METRNL: variants seen among roughly 807,000 people sequenced by gnomAD.
The protein encoded by METRNL is meteorin like, glial cell differentiation regulator, also known as meteorin-like protein.
Under a neutral mutation model 17.4 loss-of-function variants are expected in METRNL, and 9 were observed. The observed-to-expected ratio is 0.52, with a 90% CI of 0.31 to 0.90. The LOEUF (loss-of-function observed/expected upper bound fraction) is 0.90. METRNL is among the 40% of genes least tolerant of loss of function. The pLI is 0.05. For synonymous variants in METRNL, 215 were observed against 199.3 expected, an observed-to-expected ratio of 1.08 and a Z score of -0.66; for missense variants, 408 against 430.7, an observed-to-expected ratio of 0.95 and a Z score of 0.47.
intron 2 of METRNL, among the ~76,000 whole-genome samples, chr17:83,088,914 C>G (rs1390359175): frequency 6.6e-6 from 1 of 152,188 alleles, no homozygotes; most frequent in Non-Finnish European, 1.5e-5. Context: ...TCCAAGGCGT[C>G]CCATCTCTCG....
intron 2 of METRNL, among the ~76,000 whole-genome samples, chr17:83,087,753 G>A (rs1176465948): frequency 6.6e-6 from 1 of 152,208 alleles, no homozygotes; most frequent in Admixed American, 6.5e-5. Flanking sequence ...GACGGAGGCT[G>A]AGCCGGGCAG....
chr17:83,082,364 C>T (rs2037999749), intron 1 of METRNL: 2 of 498,412 alleles, frequency 4.0e-6, no homozygotes, highest in Admixed American at 6.4e-5. Flanking sequence ...CTCCAGTGCA[C>T]CTGCGCCCCC....
chr17:83,089,931 C>A (rs556791464), intron 2 of METRNL, among the ~76,000 whole-genome samples: 1 of 151,984 alleles, frequency 6.6e-6, no homozygotes, highest in Admixed American at 6.5e-5. Context: ...ACACCCCTGC[C>A]GTCAGCCGGG....
At chr17:83,087,777 G>A (rs1029205736) in intron 2 of METRNL, among the ~76,000 whole-genome samples, 9 of 114,222 alleles carry the variant, frequency 7.9e-5, no homozygotes, top group African/African-American at 1.8e-4. Flanking sequence ...CAGCCCCGCC[G>A]AGCCTGAGGT....
intron 1 of METRNL, 60 bp from the exon 2 acceptor site, chr17:83,084,878 G>A: frequency 6.4e-7 from 1 of 1,553,468 alleles, no homozygotes; most frequent in Non-Finnish European, 8.7e-7. Flanking sequence ...CTCTCTGTGG[G>A]TGCGGGTGGG....
chr17:83,082,086 G>A (rs774653303), intron 1 of METRNL: 83 of 985,302 alleles, frequency 8.4e-5, no homozygotes, highest in Non-Finnish European at 9.9e-5. Context: ...AGTAGGAGAT[G>A]ATGAAACCTC....
At chr17:83,089,006 A>G (rs1179497003) in intron 2 of METRNL, among the ~76,000 whole-genome samples, 3 of 152,032 alleles carry the variant, frequency 2.0e-5, no homozygotes, top group Non-Finnish European at 4.4e-5. Flanking sequence ...TGTGGAGAGG[A>G]AGGGTGTGGC....
At chr17:83,087,920 G>A (rs981011488) in intron 2 of METRNL, among the ~76,000 whole-genome samples, 3 of 152,222 alleles carry the variant, frequency 2.0e-5, no homozygotes, top group African/African-American at 7.2e-5. Flanking sequence ...AGGAGAGGGT[G>A]TGTGAGCCCC....
At chr17:83,086,335 C>A (rs918094996) in intron 2 of METRNL, among the ~76,000 whole-genome samples, 24 of 152,308 alleles carry the variant, frequency 1.6e-4, no homozygotes, top group African/African-American at 5.5e-4. Flanking sequence ...GCCCCGAGTC[C>A]CAGCTGGCCC....
At chr17:83,081,436 C>G (rs2037987176) in intron 1 of METRNL, among the ~76,000 whole-genome samples, 1 of 152,098 alleles carries the variant, frequency 6.6e-6, no homozygotes, top group South Asian at 2.1e-4. Flanking sequence ...GACTGTGTGC[C>G]CGGTAGGAGG....
At chr17:83,080,350 C>G (rs1163156165) in intron 1 of METRNL, 1 of 150,442 alleles carries the variant, frequency 6.6e-6, no homozygotes, top group African/African-American at 2.4e-5. Context: ...GTTGCGCGCC[C>G]CGAGGCCGCC....
At chr17:83,081,660 A>ACCC (rs201259865) in intron 1 of METRNL, among the ~76,000 whole-genome samples, 1 of 144,786 alleles carries the variant, frequency 6.9e-6, no homozygotes, top group African/African-American at 2.6e-5. Flanking sequence ...CCCAGAGGGG[A>ACCC]CCCCCCCACA....
chr17:83,091,155 C>T (rs763170924), intron 2 of METRNL, among the ~76,000 whole-genome samples: 2 of 152,102 alleles, frequency 1.3e-5, no homozygotes, highest in Non-Finnish European at 2.9e-5. Flanking sequence ...AGGTGCCCCC[C>T]CAGTGCCAGG....
intron 3 of METRNL, 77 bp downstream of exon 3, chr17:83,093,303 C>A: frequency 8.1e-7 from 1 of 1,240,606 alleles, no homozygotes; most frequent in South Asian, 1.2e-5. Context: ...CCCAGGAGTC[C>A]CTCTTCAGGG....
chr17:83,082,820 A>T (rs1600484099), intron 1 of METRNL, among the ~76,000 whole-genome samples: 1 of 152,182 alleles, frequency 6.6e-6, no homozygotes, highest in Non-Finnish European at 1.5e-5. Flanking sequence ...AGGCTGAAGG[A>T]TGCATCGTTT....
Position 83,079,804 on chromosome 17 carries a change from C to T in METRNL, c.-12C>T, listed in dbSNP as rs1411644686. 3 of 974,296 alleles carry T rather than the reference C, an allele frequency of 3.1e-6. No homozygotes were observed. The highest frequency in any genetic ancestry group is 3.6e-6 in the Non-Finnish European group (3 of 824,660). The allele number at this position is 974,296 out of a possible 1,614,324, so 60.4% of individuals were successfully genotyped here. On this transcript the variant is annotated 5_prime_UTR_variant, in exon 1 of 4. Coordinates refer to ENST00000320095, the MANE Select transcript of METRNL (RefSeq NM_001004431.3). ...CGGACGCGGGGCCGGGCGGCGGAGC[C>T]GGCGCCAGAGCATGCGGGGCGCGGC... is the stretch of plus-strand genomic sequence containing the variant.
chr17:83,087,429 C>A (rs1471762129), intron 2 of METRNL, among the ~76,000 whole-genome samples: 1 of 152,158 alleles, frequency 6.6e-6, no homozygotes, highest in Non-Finnish European at 1.5e-5. Flanking sequence ...GGCACAGATG[C>A]AGGCCCCTCC....
intron 1 of METRNL, chr17:83,080,239 G>A (rs2037966991): frequency 2.6e-5 from 4 of 153,428 alleles, no homozygotes; most frequent in African/African-American, 4.8e-5. Flanking sequence ...GGTGGGTCCC[G>A]GCTCCGCGCG....
Position 83,094,375 on chromosome 17 carries a change from G to A in METRNL, c.736G>A (p.Gly246Ser). 6.2e-7 allele frequency: 1 copy of A among 1,610,884 alleles called. No homozygotes were observed. The highest frequency in any genetic ancestry group is 1.1e-5 in the South Asian group (1 of 90,768). Residue 246 changes from glycine to serine, a missense_variant, in exon 4 of 4, where the codon GGT becomes AGT. Physicochemically the swap from Gly to Ser is moderately conservative, Grantham distance 56 (BLOSUM62 0). Transcript: ENST00000320095. ...CAGGGTCTTCGAGCCGGTGCCCGAG[G>A]GTGACGGCCACTGGCAGGGGCGCGT... is the stretch of plus-strand genomic sequence containing the variant. ...KSRVFEPVPEGDGHWQGRVRT... is the reference protein window; with the variant it reads ...KSRVFEPVPESDGHWQGRVRT...
Sources: allele counts gnomAD v4.1 joint callset (sites outside exome capture counted in the v4.1 genomes callset), GRCh38; gene constraint gnomAD v4.1.1; transcripts MANE v1.5; gene names NCBI Gene and HGNC (gene_info 2026-07-23, HGNC 2026-07-21).